Variants in GLI2 observed in about 807,000 individuals in gnomAD.
The protein encoded by GLI2 is GLI family zinc finger 2, also known as transcription activator GLI2.
A neutral mutation model predicts 78.9 loss-of-function variants in GLI2; 22 were observed. The ratio of observed to expected loss-of-function variants is 0.28; its 90% CI spans 0.20 to 0.40. The LOEUF (loss-of-function observed/expected upper bound fraction) is 0.40, where lower values mean the gene tolerates loss of function less well. Ranked by LOEUF, GLI2 falls within the 10% of genes least tolerant of loss-of-function variation. The probability of loss-of-function intolerance (pLI) is 1.00; values close to 1 mark genes in which losing one functional copy is unlikely to be tolerated. For synonymous variants in GLI2, 974 were observed against 963.7 expected, an observed-to-expected ratio of 1.01 and a Z score of -0.20; for missense variants, 2,097 against 2,213.2, an observed-to-expected ratio of 0.95 and a Z score of 1.05.
chr2:120,890,105 A>G (rs149783629), intron 2 of GLI2, among the ~76,000 whole-genome samples: 78 of 152,374 alleles, frequency 5.1e-4, no homozygotes, highest in African/African-American at 1.8e-3. Flanking sequence ...TGGCACATTC[A>G]TACCAGGGAA....
chr2:120,767,116 C>A (rs767224487), intron 1 of GLI2, among the ~76,000 whole-genome samples: 2 of 152,240 alleles, frequency 1.3e-5, no homozygotes, highest in Non-Finnish European at 2.9e-5. Flanking sequence ...CTCTAACCGA[C>A]CTCTACGTAA....
rs369239578 is a variant in GLI2, at chr2:120,756,983, T to G, written c.-31+20698T>G. Among the ~76,000 whole-genome samples, 5 of 152,322 alleles carry G rather than the reference T, an allele frequency of 3.3e-5. No homozygotes were observed. The East Asian group carries it at 5.8e-4, about 18-fold the overall frequency. On this transcript the variant is annotated intron_variant, in intron 1 of 13. Transcript: ENST00000361492. ...AATACCGGATAGTTTTTGTTGCTAT[T>G]TCTTCAAGTTTACAGATCTTTTTTC... is the stretch of plus-strand genomic sequence containing the variant.
intron 1 of GLI2, among the ~76,000 whole-genome samples, chr2:120,778,212 C>T (rs572845498): frequency 6.6e-6 from 1 of 152,288 alleles, no homozygotes; most frequent in East Asian, 1.9e-4. Context: ...CAGGGCTGTC[C>T]TGGCCTCCTC....
intron 3 of GLI2, among the ~76,000 whole-genome samples, chr2:120,942,619 C>G (rs1053032883): frequency 1.3e-5 from 2 of 152,228 alleles, no homozygotes; most frequent in African/African-American, 4.8e-5. Context: ...TGGGAGATCT[C>G]ATGAGCCCCC....
At chr2:120,804,102 T>C (rs139065578) in intron 2 of GLI2, among the ~76,000 whole-genome samples, 3 of 152,348 alleles carry the variant, frequency 2.0e-5, no homozygotes, top group Non-Finnish European at 4.4e-5. Context: ...TTTTGCTTAG[T>C]GGCGAGGCAT....
chr2:120,963,065 G>A (rs976056681), intron 5 of GLI2, among the ~76,000 whole-genome samples: 5 of 152,150 alleles, frequency 3.3e-5, no homozygotes, highest in Non-Finnish European at 7.3e-5. Flanking sequence ...CTGAGAGGGC[G>A]CCGAATGCAA....
At chr2:120,817,836 G>A (rs574001328) in intron 2 of GLI2, among the ~76,000 whole-genome samples, 104 of 152,102 alleles carry the variant, frequency 6.8e-4, no homozygotes, top group African/African-American at 2.4e-3. Flanking sequence ...TCACCCACTC[G>A]CTCGTATGGA....
At chr2:120,745,625 G>T (rs921541565) in intron 1 of GLI2, among the ~76,000 whole-genome samples, 26 of 152,178 alleles carry the variant, frequency 1.7e-4, no homozygotes, top group Admixed American at 9.8e-4. Context: ...GTGACCATGT[G>T]GGGTGGCTTC....
chr2:120,768,799 CTGTG>C (rs5833852), intron 1 of GLI2, among the ~76,000 whole-genome samples: 4,144 of 147,680 alleles, frequency 0.028, 182 homozygotes, highest in African/African-American at 0.095. Context: ...GGCCCCGCCC[CTGTG>C]TGTGTGTGTG....
intron 2 of GLI2, among the ~76,000 whole-genome samples, chr2:120,824,489 G>T (rs377460010): frequency 1.3e-5 from 2 of 152,178 alleles, no homozygotes; most frequent in Non-Finnish European, 2.9e-5. Context: ...TTACGTTCAC[G>T]AGCGCTGGGG....
At chr2:120,833,376 T>G (rs1686458870) in intron 2 of GLI2, among the ~76,000 whole-genome samples, 1 of 152,074 alleles carries the variant, frequency 6.6e-6, no homozygotes, top group African/African-American at 2.4e-5. Flanking sequence ...GGGTCTGCAA[T>G]GGGTCCAGAA....
At chr2:120,859,891 G>T (rs962020728) in intron 2 of GLI2, among the ~76,000 whole-genome samples, 3 of 152,118 alleles carry the variant, frequency 2.0e-5, no homozygotes, top group Non-Finnish European at 2.9e-5. Context: ...GACCTCAGAC[G>T]ATCTGCCCAC....
intron 2 of GLI2, among the ~76,000 whole-genome samples, chr2:120,911,279 C>A (rs1440243237): frequency 1.3e-5 from 2 of 152,252 alleles, no homozygotes; most frequent in South Asian, 2.1e-4. Flanking sequence ...GCCTCAGTTT[C>A]CTCATCTCTA....
At chr2:120,898,506 C>T (rs1387019323) in intron 2 of GLI2, among the ~76,000 whole-genome samples, 2 of 152,094 alleles carry the variant, frequency 1.3e-5, no homozygotes, top group African/African-American at 4.8e-5. Context: ...CAGAGCCATG[C>T]TTCAGGGAGG....
intron 2 of GLI2, among the ~76,000 whole-genome samples, chr2:120,861,987 C>T (rs899960439): frequency 1.3e-5 from 2 of 152,148 alleles, no homozygotes; most frequent in African/African-American, 4.8e-5. Context: ...GGGTGAACCA[C>T]CCCAGATGGG....
In GLI2 at chr2:120,990,624, C is replaced by G. The variant is rs1573746056; in HGVS notation, c.4659C>G (p.Ser1553=). 1 of 1,613,498 alleles carries G rather than the reference C, an allele frequency of 6.2e-7. No homozygotes were observed. The highest frequency in any genetic ancestry group is 1.3e-5 in the African/African-American group (1 of 74,916). ...ACATGGCTGTCGGGGACATGAGCTC[C>G]ATGCTCACCAGCCTCGCCGAGGAGA... is the stretch of plus-strand genomic sequence containing the variant. The part of the protein sequence containing the change: ...ISNMAVGDMS[S]MLTSLAEESK... The change falls in exon 14 of 14, where the codon TCC becomes TCG. Residue 1553 remains serine (S), a synonymous_variant. Coordinates refer to ENST00000361492, the MANE Select transcript of GLI2 (RefSeq NM_001374353.1).
chr2:120,846,395 A>T (rs1281848961), intron 2 of GLI2, among the ~76,000 whole-genome samples: 2 of 152,158 alleles, frequency 1.3e-5, no homozygotes, highest in Non-Finnish European at 2.9e-5. Flanking sequence ...TGGGCCTGGG[A>T]GGTGCCCAGG....
intron 2 of GLI2, among the ~76,000 whole-genome samples, chr2:120,899,404 C>T (rs868334070): frequency 9.1e-6 from 1 of 109,680 alleles, no homozygotes; most frequent in Non-Finnish European, 1.7e-5. Flanking sequence ...TGTACACACA[C>T]ATACACACAC....
intron 3 of GLI2, among the ~76,000 whole-genome samples, chr2:120,935,267 T>C (rs752475973): frequency 7.2e-5 from 11 of 152,182 alleles, no homozygotes; most frequent in Non-Finnish European, 1.2e-4. Flanking sequence ...TGCCTCTCCA[T>C]CTCCAGGGAG....
Sources: allele counts gnomAD v4.1 joint callset (sites outside exome capture counted in the v4.1 genomes callset), GRCh38; gene constraint gnomAD v4.1.1; transcripts MANE v1.5; gene names NCBI Gene and HGNC (gene_info 2026-07-23, HGNC 2026-07-21).